The following BCL2L14 variants were observed in gnomAD, a reference collection of about 807,000 sequenced individuals.
BCL2L14 encodes apoptosis facilitator Bcl-2-like protein 14.
BCL2L14 carries 27 observed loss-of-function variants against 35.3 expected under a neutral mutation model. The ratio of observed to expected loss-of-function variants is 0.76; its 90% CI spans 0.56 to 1.05. BCL2L14 has a LOEUF of 1.05. Among genes scored for constraint, BCL2L14 ranks in the 50% least tolerant of loss-of-function variants. The pLI, the probability that BCL2L14 is intolerant of heterozygous loss-of-function variation, is 0.00. For missense variants in BCL2L14, 377 were observed against 382.6 expected (o/e 0.99, Z 0.12); for synonymous variants, 139 against 145.9 (o/e 0.95, Z 0.34).
At chr12:12,064,622 TTC>T (rs1187406590) in intron 2 of BCL2L14, among the ~76,000 whole-genome samples, 2 of 152,212 alleles carry the variant, frequency 1.3e-5, no homozygotes, top group South Asian at 2.1e-4. Flanking sequence ...AGGCTCAGAA[TTC>T]TCTCTCAACC....
chr12:12,088,068 C>T (rs1051786161), intron 3 of BCL2L14, among the ~76,000 whole-genome samples: 7 of 152,190 alleles, frequency 4.6e-5, no homozygotes, highest in Non-Finnish European at 8.8e-5. Flanking sequence ...GACGCAGCCT[C>T]ATTGTCTGGG....
At chr12:12,068,047 A>G (rs1948614415), upstream of BCL2L14, 8 of 394,282 alleles carry the variant, frequency 2.0e-5, no homozygotes, top group Non-Finnish European at 3.6e-5. Context: ...AGGCTCAAGC[A>G]ATCCTCCCGC....
At chr12:12,095,734 G>A in intron 5 of BCL2L14, 26 of 985,424 alleles carry the variant, frequency 2.6e-5, no homozygotes, top group Non-Finnish European at 3.1e-5. Flanking sequence ...CATGGCTGGA[G>A]TGACCCTGGG....
At position 12,087,359 on chromosome 12, in the gene BCL2L14, G is replaced by A. The variant is rs762092613; in HGVS notation, c.580G>A (p.Val194Met). Reference sequence around the variant, plus strand: ...TCTCTCCTTCCAGCTCCAAGGCCACGTGCCTGTAGCTTCAAGTTCTAAGAA... The same window carrying A: ...TCTCTCCTTCCAGCTCCAAGGCCACATGCCTGTAGCTTCAAGTTCTAAGAA... ...EGLSFQLQGH[V>M]PVASSSKKDE... Residue 194 changes from valine (V) to methionine (M), a missense_variant, in exon 3 of 6, where the codon GTG becomes ATG. Coordinates refer to ENST00000308721, the MANE Select transcript of BCL2L14 (RefSeq NM_138723.2). 1.5e-5 allele frequency: 25 copies of A among 1,614,066 alleles called. No homozygotes were observed. Among genetic ancestry groups the A allele is most frequent in the South Asian group, 9.9e-5 (9 of 91,076 alleles).
At chr12:12,090,646 T>TAA (rs76419621) in intron 3 of BCL2L14, 133 bp from the exon 4 acceptor site, 268 of 320,848 alleles carry the variant, frequency 8.4e-4, no homozygotes, top group Middle Eastern at 2.4e-3. Context: ...AAATAAAAAA[T>TAA]AAAAAAAAAA....
intron 2 of BCL2L14, among the ~76,000 whole-genome samples, chr12:12,058,276 A>T (rs1370317824): frequency 6.8e-6 from 1 of 147,028 alleles, no homozygotes; most frequent in Admixed American, 6.8e-5. Flanking sequence ...TTTTTTTGAG[A>T]CGGAGTCTCT....
At chr12:12,098,225 C>G (rs754296294) in intron 5 of BCL2L14, among the ~76,000 whole-genome samples, 3 of 152,148 alleles carry the variant, frequency 2.0e-5, no homozygotes, top group Admixed American at 6.5e-5. Context: ...CTCGATGGCT[C>G]TCTCTGCTGT....
chr12:12,079,819 T>G (rs1948871936), intron 2 of BCL2L14, 81 bp downstream of exon 2: 2 of 1,420,814 alleles, frequency 1.4e-6, no homozygotes, highest in Non-Finnish European at 1.9e-6. Flanking sequence ...TCTTCTCATG[T>G]TGTAAAGTGG....
chr12:12,057,436 C>A (rs1216512549), intron 2 of BCL2L14, among the ~76,000 whole-genome samples: 1 of 152,238 alleles, frequency 6.6e-6, no homozygotes, highest in African/African-American at 2.4e-5. Flanking sequence ...ACGCCAAAGT[C>A]AAAAAGCAGT....
At chr12:12,074,466 G>A (rs1430760224) in intron 1 of BCL2L14, among the ~76,000 whole-genome samples, 1 of 150,740 alleles carries the variant, frequency 6.6e-6, no homozygotes, top group East Asian at 1.9e-4. Flanking sequence ...TTTTTTTTGA[G>A]ACAGAGTCTG....
chr12:12,051,926 C>G (rs776879465), intron 2 of BCL2L14: 1 of 152,094 alleles, frequency 6.6e-6, no homozygotes, highest in Non-Finnish European at 1.5e-5. Flanking sequence ...CTTGGAGGAT[C>G]TGGAAAGGTT....
At chr12:12,088,575 G>C (rs2136768197) in intron 3 of BCL2L14, among the ~76,000 whole-genome samples, 1 of 152,252 alleles carries the variant, frequency 6.6e-6, no homozygotes, top group African/African-American at 2.4e-5. Flanking sequence ...CAATTTTACA[G>C]GCTACTCTTT....
intron 2 of BCL2L14, among the ~76,000 whole-genome samples, chr12:12,060,744 G>A (rs200836190): frequency 0.41 from 34,687 of 84,646 alleles, 7,435 homozygotes; most frequent in Middle Eastern, 0.52. Flanking sequence ...CCATCTGTGC[G>A]GGACCCCACT....
rs1040135007 is a variant in BCL2L14 at position 12,074,454 on chromosome 12, AT to A, written c.-8+3326del. ...ACCTTTTTCTTTTTTTCTTTTTATTATTTTTTTTTGAGACAGAGTCTGACTC... is the reference window on the plus strand; with the variant it reads ...ACCTTTTTCTTTTTTTCTTTTTATTATTTTTTTTGAGACAGAGTCTGACTC... On this transcript the variant is annotated intron_variant, in intron 1 of 5. Coordinates refer to ENST00000308721, the MANE Select transcript of BCL2L14 (RefSeq NM_138723.2). Among the ~76,000 whole-genome samples the A allele has an allele frequency of 6.0e-5, 9 of 151,096 alleles. No individual in the cohort carries two copies. In the South Asian group the frequency reaches 8.4e-4, roughly 14 times the overall value.
intron 2 of BCL2L14, among the ~76,000 whole-genome samples, chr12:12,054,441 T>C (rs1948400868): frequency 6.8e-6 from 1 of 147,414 alleles, no homozygotes; most frequent in Admixed American, 6.8e-5. Context: ...GAGGTGGAGG[T>C]TGCAGTGAGC....
chr12:12,069,108 C>T (rs11054664), upstream of BCL2L14, among the ~76,000 whole-genome samples: 6,915 of 152,230 alleles, frequency 0.045, 174 homozygotes, highest in Middle Eastern at 0.061. Context: ...GTGAGGACGA[C>T]CGGAGGTTGC....
chr12:12,094,787 C>G lies in BCL2L14; in HGVS notation c.802C>G (p.Gln268Glu). The change falls in exon 5 of 6, where the codon CAG (glutamine) becomes GAG (glutamate). Residue 268 changes from glutamine to glutamate, a missense_variant. Coordinates refer to ENST00000308721, the MANE Select transcript of BCL2L14 (RefSeq NM_138723.2). Reference sequence around the variant, plus strand: ...CAGGGGAGAATCAGAGGTCAAAGCTCAGGGCTTTAAGGCTGCCCTTGTAAT... The same window carrying G: ...CAGGGGAGAATCAGAGGTCAAAGCTGAGGGCTTTAAGGCTGCCCTTGTAAT... The part of the protein sequence containing the change: ...DPRGESEVKA[Q>E]GFKAALVIDV... 6.2e-7 allele frequency: 1 copy of G among 1,614,224 alleles called. No individual in the cohort carries two copies. Among genetic ancestry groups the G allele is most frequent in the Non-Finnish European group, 8.5e-7 (1 of 1,180,048 alleles).
chr12:12,077,362 C>T (rs1591819641), intron 1 of BCL2L14, among the ~76,000 whole-genome samples: 2 of 152,006 alleles, frequency 1.3e-5, no homozygotes, highest in South Asian at 2.1e-4. Context: ...GGCAACATAG[C>T]GAGACCTTGT....
intron 2 of BCL2L14, among the ~76,000 whole-genome samples, chr12:12,086,881 A>G (rs184143940): frequency 6.6e-6 from 1 of 152,360 alleles, no homozygotes; most frequent in East Asian, 1.9e-4. Context: ...CATAATGAGC[A>G]TTCCTTCAAG....
Sources: allele counts gnomAD v4.1 joint callset (sites outside exome capture counted in the v4.1 genomes callset), GRCh38; gene constraint gnomAD v4.1.1; transcripts MANE v1.5; gene names NCBI Gene and HGNC (gene_info 2026-07-23, HGNC 2026-07-21).